ADAMTS3: variants seen among roughly 807,000 people sequenced by gnomAD.
ADAMTS3 encodes A disintegrin and metalloproteinase with thrombospondin motifs 3.
A neutral mutation model predicts 129.0 loss-of-function variants in ADAMTS3; 73 were observed. The observed-to-expected ratio is 0.57, with a 90% CI of 0.47 to 0.69. ADAMTS3 has a LOEUF of 0.69. ADAMTS3 is among the 30% of genes least tolerant of loss of function. ADAMTS3 has a pLI of 0.00. For missense variants in ADAMTS3, 1,457 were observed against 1,514.5 expected (o/e 0.96, Z 0.63); for synonymous variants, 477 against 510.8 (o/e 0.93, Z 0.89).
At chr4:72,540,786 G>C (rs1222388835) in intron 3 of ADAMTS3, among the ~76,000 whole-genome samples, 1 of 152,236 alleles carries the variant, frequency 6.6e-6, no homozygotes, top group Non-Finnish European at 1.5e-5. Context: ...TGTTGAGACT[G>C]CAGGTGCACA....
At chr4:72,437,632 T>C (rs1314241926) in intron 3 of ADAMTS3, among the ~76,000 whole-genome samples, 3 of 151,762 alleles carry the variant, frequency 2.0e-5, no homozygotes, top group Non-Finnish European at 1.5e-5. Context: ...GTTCCAAAGC[T>C]TTCAGCCAAG....
chr4:72,291,184 G>A lies in ADAMTS3; in HGVS notation c.2724-122C>T, dbSNP rs562454465. The A allele has an allele frequency of 3.2e-4, 292 of 926,134 alleles. 2 individuals carry two copies. The African/African-American group carries it at 4.4e-3, about 14-fold the overall frequency. 57.4% of individuals were successfully genotyped at this position (926,134 alleles called of 1,614,324 possible). On this transcript the variant is annotated intron_variant, in intron 19 of 21. Coordinates refer to ENST00000286657, the MANE Select transcript of ADAMTS3 (RefSeq NM_014243.3). ...CTTGCAACCTAGTGGGCACACTGCAGTTCAGGAAGTGGTTTCAGAAAGATG... is the reference window on the plus strand; with the variant it reads ...CTTGCAACCTAGTGGGCACACTGCAATTCAGGAAGTGGTTTCAGAAAGATG...
intron 4 of ADAMTS3, among the ~76,000 whole-genome samples, chr4:72,376,318 C>T (rs79782515): frequency 0.016 from 2,380 of 152,172 alleles, 63 homozygotes; most frequent in African/African-American, 0.054. Flanking sequence ...TGTCTTCATA[C>T]GGCGGAAAGG....
intron 3 of ADAMTS3, among the ~76,000 whole-genome samples, chr4:72,470,057 G>T (rs376838298): frequency 7.9e-5 from 12 of 152,138 alleles, no homozygotes; most frequent in African/African-American, 2.9e-4. Context: ...CAATTGTATT[G>T]TCCCAGTGTG....
chr4:72,321,446 G>C (rs1434092693), intron 6 of ADAMTS3, among the ~76,000 whole-genome samples: 12 of 151,892 alleles, frequency 7.9e-5, no homozygotes. Flanking sequence ...GCCTCCCAAA[G>C]CATGGGAATG....
chr4:72,282,973 T>A lies in ADAMTS3; in HGVS notation c.*163A>T, dbSNP rs1718390567. ...GAGTCAATGCAGAACAAAAGGAGGA[T>A]GAAAGCAACTAGAAAGTGAGCCAGC... is the stretch of plus-strand genomic sequence containing the variant. On this transcript the variant is annotated 3_prime_UTR_variant, in exon 22 of 22. Coordinates refer to ENST00000286657, the MANE Select transcript of ADAMTS3 (RefSeq NM_014243.3). 3 of 589,200 alleles carry A rather than the reference T, an allele frequency of 5.1e-6. No homozygotes were observed. Among genetic ancestry groups the A allele is most frequent in the Non-Finnish European group, 8.8e-6 (3 of 341,574 alleles). 36.5% of individuals were successfully genotyped at this position (589,200 alleles called of 1,614,324 possible).
chr4:72,515,802 T>C (rs942489811), intron 3 of ADAMTS3, among the ~76,000 whole-genome samples: 9 of 151,902 alleles, frequency 5.9e-5, no homozygotes, highest in African/African-American at 1.9e-4. Context: ...TTCACTCTGA[T>C]GGTAGTTTCT....
At position 72,290,953 on chromosome 4, in the gene ADAMTS3, C is replaced by T. The variant is rs1718642932; in HGVS notation, c.2833G>A (p.Val945Met). The change falls in exon 20 of 22, where the codon GTG becomes ATG. Residue 945 changes from valine to methionine, a missense_variant. Val to Met is a conservative substitution (Grantham distance 21). Coordinates refer to ENST00000286657, the MANE Select transcript of ADAMTS3 (RefSeq NM_014243.3). ...QPLLDGTNRS[V>M]HSKYCMGDRP... is the part of the protein sequence containing the mutation. Reference sequence around the variant, plus strand: ...TCACCCATGCAGTATTTGCTGTGCACAGAGCGGTTGGTGCCATCAAGGAGT... The same window carrying T: ...TCACCCATGCAGTATTTGCTGTGCATAGAGCGGTTGGTGCCATCAAGGAGT... 6.2e-7 allele frequency: 1 copy of T among 1,614,058 alleles called. No homozygotes were observed.
chr4:72,404,281 A>G (rs1020076761), intron 4 of ADAMTS3, among the ~76,000 whole-genome samples: 9 of 152,158 alleles, frequency 5.9e-5, no homozygotes, highest in Admixed American at 5.2e-4. Context: ...ATAACCAAGC[A>G]ACCATGACCA....
intron 9 of ADAMTS3, among the ~76,000 whole-genome samples, chr4:72,318,964 C>T (rs1023682451): frequency 6.6e-6 from 1 of 152,162 alleles, no homozygotes; most frequent in African/African-American, 2.4e-5. Context: ...ACTAATTAAA[C>T]CACCACATGG....
chr4:72,283,198 T>A lies in ADAMTS3; in HGVS notation c.3556A>T (p.Lys1186Ter), dbSNP rs139458364. 3.1e-6 allele frequency: 5 copies of A among 1,613,952 alleles called. No individual in the cohort carries two copies. The highest frequency in any genetic ancestry group is 4.2e-6 in the Non-Finnish European group (5 of 1,179,904). Residue 1186 changes from lysine to a stop codon, truncating the protein, a stop_gained, in exon 22 of 22, where the codon AAG becomes TAG. Coordinates refer to ENST00000286657, the MANE Select transcript of ADAMTS3 (RefSeq NM_014243.3). LOFTEE classifies it high-confidence loss of function. ...TTGTCAATGATCTTTCCATCTTTCT[T>A]TGAGGTTCTTGCCTGAGAAGAAGCA... The part of the protein sequence containing the change: ...IGASSQARTS[K>*]KDGKIIDNRR...
At chr4:72,507,965 A>G (rs1302511951) in intron 3 of ADAMTS3, among the ~76,000 whole-genome samples, 1 of 152,204 alleles carries the variant, frequency 6.6e-6, no homozygotes. Flanking sequence ...ATATGCCTCT[A>G]TTAACATCAA....
chr4:72,428,185 G>C (rs534365995), intron 3 of ADAMTS3, among the ~76,000 whole-genome samples: 1 of 151,908 alleles, frequency 6.6e-6, no homozygotes, highest in South Asian at 2.1e-4. Flanking sequence ...TGAAGTAGAG[G>C]TTCCACCTAC....
chr4:72,456,260 C>CAT (rs1718607743), intron 3 of ADAMTS3, among the ~76,000 whole-genome samples: 1 of 50,952 alleles, frequency 2.0e-5, no homozygotes. Flanking sequence ...AGTATATATA[C>CAT]TGTATATACT....
intron 4 of ADAMTS3, among the ~76,000 whole-genome samples, chr4:72,355,077 T>C (rs1720545011): frequency 1.3e-5 from 2 of 151,914 alleles, no homozygotes; most frequent in African/African-American, 2.4e-5. Flanking sequence ...ATATCTCTTA[T>C]TGTATCCTAG....
At chr4:72,375,113 C>G (rs1721104909) in intron 4 of ADAMTS3, among the ~76,000 whole-genome samples, 1 of 152,184 alleles carries the variant, frequency 6.6e-6, no homozygotes, top group Admixed American at 6.5e-5. Flanking sequence ...ACCAATTCCT[C>G]CATTCCATTT....
chr4:72,296,232 T>C (rs1183151095), intron 18 of ADAMTS3, among the ~76,000 whole-genome samples: 1 of 151,964 alleles, frequency 6.6e-6, no homozygotes, highest in Non-Finnish European at 1.5e-5. Flanking sequence ...GAAGTTCAAA[T>C]AGTATGGGGT....
chr4:72,364,749 T>A (rs1211838385), intron 4 of ADAMTS3, among the ~76,000 whole-genome samples: 1 of 152,188 alleles, frequency 6.6e-6, no homozygotes, highest in Non-Finnish European at 1.5e-5. Flanking sequence ...GTTTGTTTCT[T>A]AATTTTTAAA....
chr4:72,563,258 T>C (rs1429676123), intron 2 of ADAMTS3, among the ~76,000 whole-genome samples: 2 of 152,176 alleles, frequency 1.3e-5, no homozygotes, highest in Admixed American at 6.5e-5. Context: ...ACATTCACCA[T>C]AATCATGCTC....
Sources: gnomAD v4.1 joint callset for allele counts (sites outside exome capture counted in the v4.1 genomes callset) on GRCh38, gnomAD v4.1.1 for gene constraint, MANE v1.5 for transcripts, NCBI Gene and HGNC (gene_info 2026-07-23, HGNC 2026-07-21) for gene names.